Variants in PRKD2 observed in about 807,000 individuals in gnomAD.
PRKD2 encodes protein kinase D2, also known as serine/threonine-protein kinase D2.
PRKD2 carries 22 observed loss-of-function variants against 86.0 expected under a neutral mutation model. The ratio of observed to expected loss-of-function variants is 0.26; its 90% CI spans 0.18 to 0.37. The LOEUF (loss-of-function observed/expected upper bound fraction) is 0.37, where lower values mean the gene tolerates loss of function less well. Among genes scored for constraint, PRKD2 ranks in the 10% least tolerant of loss-of-function variants. PRKD2 has a pLI of 1.00. For synonymous variants in PRKD2, 509 were observed against 510.9 expected, an observed-to-expected ratio of 1.00 and a Z score of 0.05; for missense variants, 818 against 1,199.2, an observed-to-expected ratio of 0.68 and a Z score of 4.70.
chr19:46,685,031 C>A lies in PRKD2; in HGVS notation c.1972-3283G>T, dbSNP rs1296856735. Reference sequence around the variant, plus strand: ...ATCCCAGCATTTTGGGAGGCTGAGGCGGGTGGATCACGAGGTCAGAAGTTC... The same window carrying A: ...ATCCCAGCATTTTGGGAGGCTGAGGAGGGTGGATCACGAGGTCAGAAGTTC... On this transcript the variant is annotated intron_variant, in intron 14 of 17. Coordinates refer to ENST00000291281, the MANE Select transcript of PRKD2 (RefSeq NM_016457.5). 4.6e-5 allele frequency among the ~76,000 whole-genome samples: 7 copies of A among 150,930 alleles called. No individual in the cohort carries two copies. The East Asian group carries it at 9.8e-4, about 21-fold the overall frequency.
chr19:46,693,161 C>T lies in PRKD2; in HGVS notation c.1576+714G>A, dbSNP rs1215912922. Among the ~76,000 whole-genome samples, 2 of 152,138 alleles carry T rather than the reference C, an allele frequency of 1.3e-5. No individual in the cohort carries two copies. The highest frequency in any genetic ancestry group is 2.9e-5 in the Non-Finnish European group (2 of 68,024). ...AGATTGGGTCAGGTACCCCTCTGGGCTCCTCTAGCTCCCTAGCTTCCTTGT... is the reference window on the plus strand; with the variant it reads ...AGATTGGGTCAGGTACCCCTCTGGGTTCCTCTAGCTCCCTAGCTTCCTTGT... On this transcript the variant is annotated intron_variant, in intron 10 of 17. Transcript: ENST00000291281. This position sits in a 1 kb window ranked among gnomAD's most constrained non-coding sequence, Gnocchi z 4.5.
intron 3 of PRKD2, among the ~76,000 whole-genome samples, chr19:46,706,147 G>A (rs2053711451): frequency 6.6e-6 from 1 of 152,196 alleles, no homozygotes; most frequent in Non-Finnish European, 1.5e-5. Flanking sequence ...TTACAGGCAT[G>A]AGCCACTGTG....
chr19:46,704,566 T>A lies in PRKD2; in HGVS notation c.595A>T (p.Thr199Ser). The A allele has an allele frequency of 6.2e-7, 1 of 1,614,002 alleles. No individual in the cohort carries two copies. Among genetic ancestry groups the A allele is most frequent in the Non-Finnish European group, 8.5e-7 (1 of 1,179,974 alleles). Residue 199 changes from threonine (T) to serine (S), a missense_variant, in exon 4 of 18, where the codon ACG becomes TCG. By Grantham distance (58) the Thr-to-Ser change is moderately conservative. Around this residue, in one of 5 missense-constraint regions of PRKD2, gnomAD observed 403 missense variants for 518.6 expected, o/e 0.78. Coordinates refer to ENST00000291281, the MANE Select transcript of PRKD2 (RefSeq NM_016457.5). ...SGARKRRLSS[T>S]SLASGHSVRL... The stretch of plus-strand genomic sequence containing the variant: ...ACCGAGTGGCCACTGGCCAGAGACG[T>A]GGATGACAGGCGCCGTTTGCGGGCC...
chr19:46,694,264 C>T lies in PRKD2; in HGVS notation c.1318-131G>A. 3.3e-6 allele frequency: 4 copies of T among 1,230,056 alleles called. No individual in the cohort carries two copies. In the East Asian group the frequency reaches 1.0e-4, roughly 31 times the overall value. 76.2% of individuals were successfully genotyped at this position (1,230,056 alleles called of 1,614,324 possible). On this transcript the variant is annotated intron_variant, in intron 9 of 17. Coordinates refer to ENST00000291281, the MANE Select transcript of PRKD2 (RefSeq NM_016457.5). Reference sequence around the variant, plus strand: ...GTTTGCACAGTGGTCAGACAAGTTCCCAGTAATTCTAAGCCTGTTCTCACT... The same window carrying T: ...GTTTGCACAGTGGTCAGACAAGTTCTCAGTAATTCTAAGCCTGTTCTCACT...
At chr19:46,679,410 G>A (rs570951481) in intron 15 of PRKD2, among the ~76,000 whole-genome samples, 1 of 152,308 alleles carries the variant, frequency 6.6e-6, no homozygotes, top group South Asian at 2.1e-4. Flanking sequence ...TAGACTGAAA[G>A]AGAAATGTAT....
chr19:46,699,805 G>C (rs1358496928), intron 7 of PRKD2, among the ~76,000 whole-genome samples: 4 of 151,858 alleles, frequency 2.6e-5, no homozygotes, highest in African/African-American at 9.7e-5. Flanking sequence ...TGTAGGCTGG[G>C]GGCACAGTGG....
intron 15 of PRKD2, among the ~76,000 whole-genome samples, chr19:46,681,175 C>T (rs574000593): frequency 6.7e-6 from 1 of 149,540 alleles, no homozygotes; most frequent in Admixed American, 6.7e-5. Context: ...CCAGGATGGT[C>T]TCGATCTCCT....
intron 14 of PRKD2, 28 bp from the exon 15 acceptor site, chr19:46,681,776 A>G: frequency 6.8e-7 from 1 of 1,478,148 alleles, no homozygotes; most frequent in Non-Finnish European, 9.5e-7. Flanking sequence ...GCCCAGTAAG[A>G]AAGGTAGATA....
chr19:46,675,181 C>A, intron 16 of PRKD2, 63 bp from the exon 17 acceptor site: 1 of 1,406,518 alleles, frequency 7.1e-7, no homozygotes, highest in Non-Finnish European at 9.9e-7. Context: ...CTCCAATAGG[C>A]ACCCCCTAGC....
chr19:46,680,946 A>ATATATATATTTT, intron 15 of PRKD2, among the ~76,000 whole-genome samples: 3 of 48,232 alleles, frequency 6.2e-5, no homozygotes, highest in African/African-American at 2.1e-4. Context: ...ATATATATAT[A>ATATATATATTTT]TTTTTTTTTT....
chr19:46,710,547 A>C, intron 3 of PRKD2: 1 of 194,144 alleles, frequency 5.2e-6, no homozygotes. Flanking sequence ...GCATATAAAT[A>C]TCTCAATATA....
At chr19:46,675,579 G>C (rs2053187859) in intron 16 of PRKD2, among the ~76,000 whole-genome samples, 1 of 152,088 alleles carries the variant, frequency 6.6e-6, no homozygotes. Context: ...AAGTAGCTAG[G>C]AATACAGGTG....
chr19:46,688,420 C>T (rs1431034213), intron 14 of PRKD2, among the ~76,000 whole-genome samples: 1 of 149,894 alleles, frequency 6.7e-6, no homozygotes, highest in Non-Finnish European at 1.5e-5. Context: ...TATGATTACT[C>T]TTTATTATTA....
rs893255000 is a variant in PRKD2 at position 46,701,063 on chromosome 19, G to A, written c.939C>T (p.Asp313=). ...HKRCATRVPN[D]CLGEALINGD... ...CATTGATAAGGGCCTCCCCCAGGCA[G>A]TCATTAGGGACGCGGGTGGCGCAGC... Residue 313 remains aspartate (D), a synonymous_variant, in exon 6 of 18, where the codon GAC becomes GAT. Coordinates refer to ENST00000291281, the MANE Select transcript of PRKD2 (RefSeq NM_016457.5). 3.1e-6 allele frequency: 5 copies of A among 1,614,112 alleles called. No homozygotes were observed. The Admixed American group carries it at 5.0e-5, about 16-fold the overall frequency.
Position 46,678,814 on chromosome 19 carries a change from C to T in PRKD2, c.2071-151G>A. The T allele has an allele frequency of 1.2e-6, 1 of 868,106 alleles. No individual in the cohort carries two copies. The allele number at this position is 868,106 out of a possible 1,614,324, so 53.8% of individuals were successfully genotyped here. The stretch of plus-strand genomic sequence containing the variant: ...GGCTCACTAGCTGAGCAACCCTGGG[C>T]AGGTGACTTCCCCCCTCTGTGCCTC... On this transcript the variant is annotated intron_variant, in intron 15 of 17. Coordinates refer to ENST00000291281, the MANE Select transcript of PRKD2 (RefSeq NM_016457.5). The surrounding 1 kb of genome is among the most constrained non-coding windows in gnomAD (Gnocchi z 5.7).
intron 14 of PRKD2, among the ~76,000 whole-genome samples, chr19:46,682,046 G>A (rs561289981): frequency 5.4e-5 from 8 of 147,092 alleles, no homozygotes; most frequent in African/African-American, 7.6e-5. Flanking sequence ...TCACTCTGTC[G>A]CCTGGGCTGG....
Position 46,700,854 on chromosome 19 carries a change from C to T in PRKD2, c.1066G>A (p.Glu356Lys), listed in dbSNP as rs761661352. 4.3e-6 allele frequency: 7 copies of T among 1,614,120 alleles called. No individual in the cohort carries two copies. Among genetic ancestry groups the T allele is most frequent in the Non-Finnish European group, 5.9e-6 (7 of 1,180,060 alleles). Residue 356 changes from glutamate (E) to lysine (K), a missense_variant, in exon 7 of 18, where the codon GAG becomes AAG. By Grantham distance (56) the Glu-to-Lys change is moderately conservative. Around this residue, in one of 5 missense-constraint regions of PRKD2, gnomAD observed 403 missense variants for 518.6 expected, o/e 0.78. Transcript: ENST00000291281. The stretch of plus-strand genomic sequence containing the variant: ...TCCTCACTGGCGTGGAGCGCATTCT[C>T]TGAGTGGGAGCCAGGGATGACACCG... ...DSGVIPGSHS[E>K]NALHASEEEE...
chr19:46,696,623 T>C (rs2053562025), intron 9 of PRKD2, among the ~76,000 whole-genome samples: 1 of 151,952 alleles, frequency 6.6e-6, no homozygotes, highest in Non-Finnish European at 1.5e-5. Context: ...CTGGGTGTGG[T>C]GGCATTCACC....
Position 46,693,839 on chromosome 19 carries a change from T to G in PRKD2, c.1576+36A>C, listed in dbSNP as rs1405139262. The G allele has an allele frequency of 6.4e-7, 1 of 1,559,466 alleles. No individual in the cohort carries two copies. Among genetic ancestry groups the G allele is most frequent in the Non-Finnish European group, 8.7e-7 (1 of 1,154,938 alleles). The stretch of plus-strand genomic sequence containing the variant: ...CAGAACCGTGCCCCACCCATCTAGA[T>G]CTATTCTCTCAAGGACCCGAGGTGG... On this transcript the variant is annotated intron_variant, in intron 10 of 17. Coordinates refer to ENST00000291281, the MANE Select transcript of PRKD2 (RefSeq NM_016457.5). This position sits in a 1 kb window ranked among gnomAD's most constrained non-coding sequence, Gnocchi z 4.5.
Sources: gnomAD v4.1 joint callset for allele counts (sites outside exome capture counted in the v4.1 genomes callset) on GRCh38, gnomAD v4.1.1 for gene constraint, gnomAD v4.1.1 regional missense constraint, Gnocchi (gnomAD v3.1) non-coding constraint, MANE v1.5 for transcripts, NCBI Gene and HGNC (gene_info 2026-07-23, HGNC 2026-07-21) for gene names.